The following CTNNA2 variants were observed in gnomAD, a reference collection of about 807,000 sequenced individuals.
The protein encoded by CTNNA2 is catenin alpha-2.
In CTNNA2, 42 loss-of-function variants were observed where a neutral mutation model predicts 101.0. The ratio of observed to expected loss-of-function variants is 0.42; its 90% confidence interval spans 0.32 to 0.54. The LOEUF (loss-of-function observed/expected upper bound fraction) is 0.54. Among genes scored for constraint, CTNNA2 ranks in the 20% least tolerant of loss-of-function variants. The probability of loss-of-function intolerance (pLI) is 0.14; values close to 1 mark genes in which losing one functional copy is unlikely to be tolerated. For synonymous variants in CTNNA2, 450 were observed against 456.4 expected, an observed-to-expected ratio of 0.99 and a Z score of 0.18; for missense variants, 871 against 1,223.1, an observed-to-expected ratio of 0.71 and a Z score of 4.29.
At chr2:80,092,459 T>G (rs779629343) in intron 7 of CTNNA2, among the ~76,000 whole-genome samples, 2 of 152,132 alleles carry the variant, frequency 1.3e-5, no homozygotes, top group African/African-American at 4.8e-5. Flanking sequence ...CCCTTGAGAA[T>G]GCGGTTTAAG....
chr2:80,375,651 G>A (rs963770118), intron 7 of CTNNA2, among the ~76,000 whole-genome samples: 2 of 139,590 alleles, frequency 1.4e-5, no homozygotes, highest in East Asian at 4.5e-4. Flanking sequence ...TGCAAGCTCC[G>A]CCTCCCAGGT....
At position 79,601,996 on chromosome 2, in the gene CTNNA2, A is replaced by C. The variant is rs528140007; in HGVS notation, c.-5-49556A>C. 1.7e-3 allele frequency among the ~76,000 whole-genome samples: 259 copies of C among 152,322 alleles called. 4 individuals are homozygous for C. The highest frequency in any genetic ancestry group is 5.8e-3 in the African/African-American group (241 of 41,564). ...CTAACACAAAGCCTGTTTTTAAAAT[A>C]CAGTGTTGAATATCACATGTAATTT... On this transcript the variant is annotated intron_variant, in intron 1 of 18. Coordinates refer to ENST00000402739, the MANE Select transcript of CTNNA2 (RefSeq NM_001282597.3).
At chr2:80,016,705 C>G (rs1205098507) in intron 7 of CTNNA2, among the ~76,000 whole-genome samples, 2 of 152,082 alleles carry the variant, frequency 1.3e-5, no homozygotes, top group Admixed American at 1.3e-4. Context: ...TTACCAGGAA[C>G]ATTTTTGTCT....
intron 7 of CTNNA2, among the ~76,000 whole-genome samples, chr2:80,124,727 A>T (rs868049693): frequency 6.6e-5 from 10 of 152,162 alleles, no homozygotes; most frequent in African/African-American, 2.4e-4. Context: ...GTTGCCATGC[A>T]TTGCTTTTCC....
intron 2 of CTNNA2, among the ~76,000 whole-genome samples, chr2:79,717,206 G>C (rs1686165908): frequency 6.6e-6 from 1 of 152,078 alleles, no homozygotes; most frequent in Non-Finnish European, 1.5e-5. Flanking sequence ...AACTATGTAA[G>C]TATCTTATTT....
chr2:80,306,412 CTTTCTT>C (rs1259662881), intron 7 of CTNNA2, among the ~76,000 whole-genome samples: 2 of 129,816 alleles, frequency 1.5e-5, no homozygotes, highest in Non-Finnish European at 3.3e-5. Context: ...TTCTTTCTTT[CTTTCTT>C]TCTTTCTTTC....
At chr2:80,113,217 A>G (rs1442257001) in intron 7 of CTNNA2, among the ~76,000 whole-genome samples, 1 of 151,180 alleles carries the variant, frequency 6.6e-6, no homozygotes, top group Non-Finnish European at 1.5e-5. Flanking sequence ...TATACATATA[A>G]TTTGATACTG....
At chr2:79,312,729 G>A (rs1474668351) in exon 3 of CTNNA2, 2 of 152,160 alleles carry the variant, frequency 1.3e-5, no homozygotes, top group East Asian at 3.9e-4. Context: ...ACAGCTGGAT[G>A]TTTGTCACAA....
At chr2:79,613,634 A>C (rs1249269355) in intron 1 of CTNNA2, among the ~76,000 whole-genome samples, 1 of 152,108 alleles carries the variant, frequency 6.6e-6, no homozygotes, top group Non-Finnish European at 1.5e-5. Context: ...TAACATAACT[A>C]ACATTTATTA....
chr2:80,406,901 T>C (rs1246792647), intron 8 of CTNNA2, among the ~76,000 whole-genome samples: 1 of 150,358 alleles, frequency 6.7e-6, no homozygotes, highest in East Asian at 2.0e-4. Flanking sequence ...CAAGTTGCCA[T>C]AGCAACCAGC....
At chr2:80,183,614 A>G (rs1360880617) in intron 7 of CTNNA2, among the ~76,000 whole-genome samples, 5 of 152,184 alleles carry the variant, frequency 3.3e-5, no homozygotes, top group African/African-American at 9.7e-5. Context: ...ATTTAATGCA[A>G]TAAACATTCT....
At chr2:79,344,549 T>C (rs1478249816) in intron 3 of CTNNA2, among the ~76,000 whole-genome samples, 2 of 152,120 alleles carry the variant, frequency 1.3e-5, no homozygotes, top group Non-Finnish European at 2.9e-5. Context: ...GAGGTTCTTA[T>C]GAGTTAACTC....
intron 7 of CTNNA2, among the ~76,000 whole-genome samples, chr2:80,152,142 C>T (rs1230662838): frequency 6.6e-6 from 1 of 152,202 alleles, no homozygotes; most frequent in African/African-American, 2.4e-5. Context: ...TATATTTCAT[C>T]TTTCTAGACT....
chr2:79,516,040 T>C (rs1671789616), intron 1 of CTNNA2, among the ~76,000 whole-genome samples: 1 of 152,178 alleles, frequency 6.6e-6, no homozygotes, highest in African/African-American at 2.4e-5. Context: ...TTGCATGAGG[T>C]CCTATTTCAC....
intron 8 of CTNNA2, among the ~76,000 whole-genome samples, chr2:80,417,155 A>G (rs1333036195): frequency 6.6e-6 from 1 of 151,712 alleles, no homozygotes; most frequent in Non-Finnish European, 1.5e-5. Flanking sequence ...TTAATTTTTC[A>G]TTAACATATA....
At chr2:79,927,482 A>G (rs1376745315) in intron 7 of CTNNA2, among the ~76,000 whole-genome samples, 1 of 152,162 alleles carries the variant, frequency 6.6e-6, no homozygotes, top group Non-Finnish European at 1.5e-5. Flanking sequence ...AGAAAAACAG[A>G]TTCAAGGAGA....
chr2:80,492,936 G>C (rs1344511846), intron 9 of CTNNA2, among the ~76,000 whole-genome samples: 1 of 152,154 alleles, frequency 6.6e-6, no homozygotes, highest in African/African-American at 2.4e-5. Flanking sequence ...AATTTCATTT[G>C]ATAGTTTCCT....
At chr2:80,027,375 C>T (rs1694994571) in intron 7 of CTNNA2, among the ~76,000 whole-genome samples, 1 of 152,170 alleles carries the variant, frequency 6.6e-6, no homozygotes, top group East Asian at 1.9e-4. Context: ...GCAAGGTGGC[C>T]AGCCCACATG....
intron 9 of CTNNA2, among the ~76,000 whole-genome samples, chr2:80,516,650 T>C (rs896882021): frequency 6.6e-6 from 1 of 152,210 alleles, no homozygotes. Flanking sequence ...CTATTCATCT[T>C]AATGCAGAGT....
Sources: allele counts gnomAD v4.1 joint callset (sites outside exome capture counted in the v4.1 genomes callset), GRCh38; gene constraint gnomAD v4.1.1; transcripts MANE v1.5; gene names NCBI Gene and HGNC (gene_info 2026-07-23, HGNC 2026-07-21).